CELF2: variants seen among roughly 807,000 people sequenced by gnomAD.
The protein encoded by CELF2 is CUG triplet repeat RNA-binding protein 2.
CELF2 carries 8 observed loss-of-function variants against 62.6 expected under a neutral mutation model. That is an observed-to-expected ratio of 0.13 (90% confidence interval 0.07 to 0.23). The LOEUF (loss-of-function observed/expected upper bound fraction) is 0.23, where lower values mean the gene tolerates loss of function less well. Ranked by LOEUF, CELF2 falls within the 10% of genes least tolerant of loss-of-function variation. The probability of loss-of-function intolerance (pLI) is 1.00; values close to 1 mark genes in which losing one functional copy is unlikely to be tolerated. For missense variants in CELF2, 333 were observed against 671.0 expected (o/e 0.50, Z 5.56); for synonymous variants, 258 against 250.0 (o/e 1.03, Z -0.30).
the CELF2 span, among the ~76,000 whole-genome samples, chr10:10,566,419 A>ATTT: frequency 0.11 from 15,289 of 136,456 alleles, 1,012 homozygotes; most frequent in South Asian, 0.21. Context: ...TTTTTTTTTA[A>ATTT]TTTTTTTTTT....
intron 1 of CELF2, among the ~76,000 whole-genome samples, chr10:11,041,453 A>T (rs2061835419): frequency 6.6e-6 from 1 of 152,188 alleles, no homozygotes. Flanking sequence ...ATGCCTCAGG[A>T]TTTCTCTTTT....
intron 1 of CELF2, among the ~76,000 whole-genome samples, chr10:11,137,957 T>G (rs2060704436): frequency 6.6e-6 from 1 of 152,238 alleles, no homozygotes; most frequent in African/African-American, 2.4e-5. Flanking sequence ...CCAGTGTTTG[T>G]TCAATTTAGG....
Position 10,936,605 on chromosome 10 carries a change from G to C in CELF2, c.89+16606G>C, listed in dbSNP as rs769426752. On this transcript the variant is annotated intron_variant, in intron 2 of 13. Transcript: ENST00000636488. The surrounding 1 kb of genome is among the most constrained non-coding windows in gnomAD (Gnocchi z 4.0). ...AGAAGAGTCAGGAACCCTTTTAACTGCTTTCTGGTTGTCTGTACCTTTTCT... is the reference window on the plus strand; with the variant it reads ...AGAAGAGTCAGGAACCCTTTTAACTCCTTTCTGGTTGTCTGTACCTTTTCT... 3.3e-5 allele frequency: 5 copies of C among 152,188 alleles called. No individual in the cohort carries two copies. Among genetic ancestry groups the C allele is most frequent in the Non-Finnish European group, 7.3e-5 (5 of 68,042 alleles). The allele number at this position is 152,188 out of a possible 1,614,324, so 9.4% of individuals were successfully genotyped here. A position where few individuals can be genotyped will look rare whatever the true frequency, so the allele number is the denominator to read the frequency against.
the CELF2 span, among the ~76,000 whole-genome samples, chr10:10,779,585 C>A: frequency 2.0e-5 from 3 of 152,274 alleles, no homozygotes; most frequent in East Asian, 3.9e-4. Context: ...TTAGCCCTAG[C>A]TGTGATGACC....
At chr10:10,814,545 C>G (rs909137978) in intron 1 of CELF2, among the ~76,000 whole-genome samples, 3 of 152,308 alleles carry the variant, frequency 2.0e-5, no homozygotes, top group African/African-American at 7.2e-5. Flanking sequence ...CCCACATTTC[C>G]CACTTCCAAC....
At position 11,333,517 on chromosome 10, in the gene CELF2, G is replaced by T. The variant is rs1188481882; in HGVS notation, c.*4464G>T. 1 of 151,486 alleles carries T rather than the reference G, an allele frequency of 6.6e-6. No individual in the cohort carries two copies. Among genetic ancestry groups the T allele is most frequent in the East Asian group, 1.9e-4 (1 of 5,180 alleles). The allele number at this position is 151,486 out of a possible 1,614,324, so 9.4% of individuals were successfully genotyped here. ...CTACTCTGGAATCATTTTACTGTTTGTTTTTATTATCTTAAGTGCTAATTA... is the reference window on the plus strand; with the variant it reads ...CTACTCTGGAATCATTTTACTGTTTTTTTTTATTATCTTAAGTGCTAATTA... On this transcript the variant is annotated 3_prime_UTR_variant, in exon 13 of 13. Transcript: ENST00000633077.
intron 1 of CELF2, among the ~76,000 whole-genome samples, chr10:10,858,231 A>T (rs369772072): frequency 7.2e-5 from 11 of 152,154 alleles, no homozygotes; most frequent in East Asian, 3.8e-4. Context: ...CCAAGCAGGG[A>T]TGGAAAATGT....
chr10:10,657,311 A>T, the CELF2 span, among the ~76,000 whole-genome samples: 3 of 152,204 alleles, frequency 2.0e-5, no homozygotes, highest in East Asian at 5.8e-4. Flanking sequence ...TCTTTTTGGG[A>T]GTAATGAAGA....
chr10:11,067,760 C>A (rs1307103352), intron 1 of CELF2, among the ~76,000 whole-genome samples: 1 of 152,200 alleles, frequency 6.6e-6, no homozygotes, highest in Non-Finnish European at 1.5e-5. Flanking sequence ...AGGTTAGAGT[C>A]AGATCAGGCA....
chr10:10,552,521 C>A, the CELF2 span, among the ~76,000 whole-genome samples: 282 of 152,280 alleles, frequency 1.9e-3, 2 homozygotes, highest in East Asian at 0.017. Context: ...AAACTCACAT[C>A]TACCAGGCCA....
the CELF2 span, among the ~76,000 whole-genome samples, chr10:10,647,395 C>A: frequency 2.0e-5 from 3 of 152,322 alleles, no homozygotes; most frequent in South Asian, 4.1e-4. Flanking sequence ...TTGATCTCAA[C>A]TCTCCCAGGT....
upstream of CELF2, among the ~76,000 whole-genome samples, chr10:11,014,685 T>C (rs572521400): frequency 1.3e-5 from 2 of 152,150 alleles, no homozygotes; most frequent in East Asian, 3.9e-4. Flanking sequence ...AAACTCTGTA[T>C]GAGATGAGGT....
chr10:10,921,251 G>A (rs7896806), intron 2 of CELF2, among the ~76,000 whole-genome samples: 302 of 151,472 alleles, frequency 2.0e-3, no homozygotes, highest in African/African-American at 6.7e-3. Flanking sequence ...CACTGTGCCC[G>A]GCCAGGTGTT....
At chr10:10,652,982 CAG>C in the CELF2 span, among the ~76,000 whole-genome samples, 3 of 152,212 alleles carry the variant, frequency 2.0e-5, no homozygotes, top group East Asian at 5.8e-4. Flanking sequence ...ATCTCATGTG[CAG>C]AGACACACAT....
At chr10:11,102,839 A>C (rs1228729651) in intron 1 of CELF2, among the ~76,000 whole-genome samples, 1 of 151,994 alleles carries the variant, frequency 6.6e-6, no homozygotes, top group Non-Finnish European at 1.5e-5. Context: ...CATTCCCCAC[A>C]GCTCATGAAA....
intron 1 of CELF2, among the ~76,000 whole-genome samples, chr10:10,829,202 GTTC>G (rs1454281398): frequency 5.9e-5 from 9 of 152,152 alleles, no homozygotes; most frequent in African/African-American, 1.2e-4. Flanking sequence ...TTGCAAACCT[GTTC>G]TTCTTCTCCG....
chr10:11,265,029 G>A (rs1208551816), intron 5 of CELF2, among the ~76,000 whole-genome samples: 4 of 152,224 alleles, frequency 2.6e-5, no homozygotes, highest in East Asian at 1.9e-4. Flanking sequence ...ACTGGATGTC[G>A]TTGTGCTTTG....
the CELF2 span, among the ~76,000 whole-genome samples, chr10:10,585,078 C>G: frequency 6.6e-6 from 1 of 151,998 alleles, no homozygotes; most frequent in African/African-American, 2.4e-5. Flanking sequence ...TAAAATAGCC[C>G]TTAACCTTTC....
chr10:10,719,595 G>A, the CELF2 span, among the ~76,000 whole-genome samples: 1 of 152,160 alleles, frequency 6.6e-6, no homozygotes, highest in Non-Finnish European at 1.5e-5. Flanking sequence ...TATGTTGCAT[G>A]ATAGCCTAGC....
Sources: gnomAD v4.1 joint callset for allele counts (sites outside exome capture counted in the v4.1 genomes callset) on GRCh38, gnomAD v4.1.1 for gene constraint, Gnocchi (gnomAD v3.1) non-coding constraint, MANE v1.5 for transcripts, NCBI Gene and HGNC (gene_info 2026-07-23, HGNC 2026-07-21) for gene names.